The following ADGRV1 variants were observed in gnomAD, a reference collection of about 807,000 sequenced individuals.
ADGRV1 encodes the protein adhesion G protein-coupled receptor V1.
ADGRV1 carries 359 observed loss-of-function variants against 596.2 expected under a neutral mutation model. The ratio of observed to expected loss-of-function variants is 0.60; its 90% CI spans 0.55 to 0.66. ADGRV1 has a LOEUF of 0.66. ADGRV1 is among the 30% of genes least tolerant of loss of function. The probability of loss-of-function intolerance (pLI) is 0.00; values close to 1 mark genes in which losing one functional copy is unlikely to be tolerated. For synonymous variants in ADGRV1, 2,681 were observed against 2,679.2 expected (o/e 1.00, Z -0.02); for missense variants, 7,274 against 7,575.6 (o/e 0.96, Z 1.48).
intron 85 of ADGRV1, among the ~76,000 whole-genome samples, chr5:91,067,725 C>T (rs1788007833): frequency 6.6e-6 from 1 of 152,168 alleles, no homozygotes; most frequent in Non-Finnish European, 1.5e-5. Flanking sequence ...TTTCAAGACA[C>T]AAATAAGGCA....
chr5:90,614,608 G>C (rs1023567738), intron 1 of ADGRV1: 1 of 518,486 alleles, frequency 1.9e-6, no homozygotes. Context: ...AAGCTAAAAA[G>C]CAAAAAGTAC....
At chr5:91,090,439 A>G (rs904868496) in intron 86 of ADGRV1, among the ~76,000 whole-genome samples, 3 of 152,050 alleles carry the variant, frequency 2.0e-5, no homozygotes, top group Non-Finnish European at 2.9e-5. Flanking sequence ...AATAAATCAC[A>G]TTCAAAGTAG....
intron 87 of ADGRV1, among the ~76,000 whole-genome samples, chr5:91,137,739 C>T (rs1238868310): frequency 1.3e-5 from 2 of 152,126 alleles, no homozygotes; most frequent in African/African-American, 4.8e-5. Flanking sequence ...GGTAGAATTC[C>T]AATCATTAGA....
rs775893405 is a variant in ADGRV1, at chr5:90,674,099, G to A, written c.4975G>A (p.Glu1659Lys). 8 of 1,612,960 alleles carry A rather than the reference G, an allele frequency of 5.0e-6. No homozygotes were observed. In the African/African-American group the frequency reaches 1.1e-4, roughly 22 times the overall value. The change falls in exon 23 of 90, where the codon GAG becomes AAG. Residue 1659 changes from glutamate to lysine, a missense_variant. Coordinates refer to ENST00000405460, the MANE Select transcript of ADGRV1 (RefSeq NM_032119.4). ...TGATGATGATATTCCTGAACTTAAT[G>A]AGTATTTCCGTGTGACATTGGTTTC... is the stretch of plus-strand genomic sequence containing the variant. ...VLDDDIPELN[E>K]YFRVTLVSAI...
chr5:90,886,356 G>C (rs1770284258), intron 83 of ADGRV1, among the ~76,000 whole-genome samples: 2 of 152,058 alleles, frequency 1.3e-5, no homozygotes, highest in Non-Finnish European at 2.9e-5. Context: ...CTCACTAGTG[G>C]GCTCACTTAT....
intron 56 of ADGRV1, 40 bp from the exon 57 acceptor site, chr5:90,756,939 C>A: frequency 7.0e-7 from 1 of 1,435,918 alleles, no homozygotes; most frequent in Non-Finnish European, 9.5e-7. Context: ...ATGAGAGTTA[C>A]CATTTTATCT....
rs1000886888 is a variant in ADGRV1 at position 90,629,419 on chromosome 5, C to T, written c.1719C>T (p.Gly573=). 1.2e-6 allele frequency: 2 copies of T among 1,613,552 alleles called. No homozygotes were observed. The highest frequency in any genetic ancestry group is 1.7e-6 in the Non-Finnish European group (2 of 1,179,728). The change falls in exon 9 of 90, where the codon GGC becomes GGT. Residue 573 remains glycine (G), a synonymous_variant. Coordinates refer to ENST00000405460, the MANE Select transcript of ADGRV1 (RefSeq NM_032119.4). ...GAVDPLQAKE[G]ILNISRRNDL... is the part of the protein sequence containing the mutation. ...TGGACCCCTTGCAAGCAAAAGAAGG[C>T]ATCTTAAATATATCAAGGAGAAATG...
chr5:90,585,020 T>C (rs926051110), intron 1 of ADGRV1, among the ~76,000 whole-genome samples: 6 of 152,230 alleles, frequency 3.9e-5, no homozygotes, highest in Admixed American at 6.5e-5. Flanking sequence ...ATGTGGTTTC[T>C]GGGTTACTTT....
chr5:91,043,444 C>T (rs911239933), intron 85 of ADGRV1, among the ~76,000 whole-genome samples: 4 of 152,096 alleles, frequency 2.6e-5, no homozygotes. Context: ...TGCCCAGCCC[C>T]AGCAGCCTTT....
chr5:91,093,746 G>C (rs952351638), intron 86 of ADGRV1, among the ~76,000 whole-genome samples: 2 of 151,990 alleles, frequency 1.3e-5, no homozygotes, highest in Non-Finnish European at 2.9e-5. Context: ...ATGGGAGGCA[G>C]TTAAAGGGTT....
At chr5:90,845,761 T>A (rs1189317633) in intron 78 of ADGRV1, among the ~76,000 whole-genome samples, 1 of 152,240 alleles carries the variant, frequency 6.6e-6, no homozygotes, top group African/African-American at 2.4e-5. Context: ...TGCCTCTGCC[T>A]GCTCTTTTAT....
intron 51 of ADGRV1, among the ~76,000 whole-genome samples, 161 bp downstream of exon 51, chr5:90,745,426 A>C (rs910198360): frequency 6.6e-6 from 1 of 152,214 alleles, no homozygotes; most frequent in Non-Finnish European, 1.5e-5. Flanking sequence ...TATCTATTCT[A>C]TCAAGTTTAT....
intron 45 of ADGRV1, among the ~76,000 whole-genome samples, chr5:90,721,591 T>TAAAAATAAA: frequency 1.2e-5 from 1 of 82,656 alleles, no homozygotes; most frequent in Non-Finnish European, 2.7e-5. Flanking sequence ...TAAAATAAAA[T>TAAAAATAAA]ATGTATTTAG....
chr5:90,701,656 A>G (rs552620917), intron 34 of ADGRV1, among the ~76,000 whole-genome samples: 13 of 152,078 alleles, frequency 8.5e-5, no homozygotes, highest in Non-Finnish European at 1.5e-4. Context: ...ATTTTCTTGC[A>G]AGTTACTTTC....
At chr5:90,584,231 A>C (rs1220700373) in intron 1 of ADGRV1, among the ~76,000 whole-genome samples, 1 of 152,218 alleles carries the variant, frequency 6.6e-6, no homozygotes, top group Non-Finnish European at 1.5e-5. Flanking sequence ...GTGACACGTA[A>C]AATTCAAATT....
At chr5:90,863,517 T>G (rs1767800932) in intron 82 of ADGRV1, among the ~76,000 whole-genome samples, 2 of 152,132 alleles carry the variant, frequency 1.3e-5, no homozygotes, top group South Asian at 4.1e-4. Context: ...CAGTCAAAAT[T>G]TTATGACTGA....
At chr5:90,661,714 G>C (rs1770322257) in intron 21 of ADGRV1, among the ~76,000 whole-genome samples, 2 of 152,130 alleles carry the variant, frequency 1.3e-5, no homozygotes, top group South Asian at 2.1e-4. Context: ...GTATTATTGT[G>C]TCTAGTGAGA....
intron 9 of ADGRV1, among the ~76,000 whole-genome samples, chr5:90,632,895 T>G (rs898635471): frequency 2.0e-5 from 3 of 152,138 alleles, no homozygotes; most frequent in African/African-American, 4.8e-5. Flanking sequence ...CAGCTGTAGG[T>G]TCTGGAAGGC....
intron 83 of ADGRV1, among the ~76,000 whole-genome samples, chr5:90,902,197 C>T (rs1021150954): frequency 1.4e-4 from 21 of 152,112 alleles, no homozygotes; most frequent in Non-Finnish European, 1.3e-4. Flanking sequence ...CAATTATCCA[C>T]GTTATTTCTA....
Sources: allele counts gnomAD v4.1 joint callset (sites outside exome capture counted in the v4.1 genomes callset), GRCh38; gene constraint gnomAD v4.1.1; transcripts MANE v1.5; gene names NCBI Gene and HGNC (gene_info 2026-07-23, HGNC 2026-07-21).